Variants in PRELID2 observed in about 807,000 individuals in gnomAD.
PRELID2 encodes the protein PRELI domain-containing protein 2.
PRELID2 carries 25 observed loss-of-function variants against 28.4 expected under a neutral mutation model. The observed-to-expected ratio is 0.88, with a 90% CI of 0.64 to 1.23. PRELID2 has a LOEUF of 1.23. PRELID2 is among the 50% of genes most tolerant of loss of function. The pLI, the probability that PRELID2 is intolerant of heterozygous loss-of-function variation, is 0.00. For missense variants in PRELID2, 201 were observed against 214.4 expected (o/e 0.94, Z 0.39); for synonymous variants, 76 against 71.6 (o/e 1.06, Z -0.31).
the PRELID2 span, among the ~76,000 whole-genome samples, chr5:145,231,004 C>A: frequency 6.6e-6 from 1 of 152,196 alleles, no homozygotes; most frequent in African/African-American, 2.4e-5. Flanking sequence ...ACATTACACA[C>A]TTTCACCTCA....
the PRELID2 span, among the ~76,000 whole-genome samples, chr5:145,419,415 T>C: frequency 0.19 from 23,231 of 120,750 alleles, 2,221 homozygotes; most frequent in South Asian, 0.27. Flanking sequence ...TTTTAATGAT[T>C]GCCATTCTAA....
the PRELID2 span, among the ~76,000 whole-genome samples, chr5:145,249,520 T>A: frequency 2.6e-5 from 4 of 152,168 alleles, no homozygotes; most frequent in Non-Finnish European, 4.4e-5. Context: ...TGTTTTTTTC[T>A]TTCTAGAGTT....
intron 1 of PRELID2, among the ~76,000 whole-genome samples, chr5:145,607,807 C>T (rs1753526070): frequency 6.6e-6 from 1 of 152,126 alleles, no homozygotes; most frequent in African/African-American, 2.4e-5. Context: ...TGTTAGTTTT[C>T]TGCTACGATG....
the PRELID2 span, among the ~76,000 whole-genome samples, chr5:145,335,494 T>C: frequency 5.3e-4 from 80 of 152,264 alleles, no homozygotes; most frequent in Admixed American, 5.2e-3. Flanking sequence ...TACTAAAAAA[T>C]TATTGTGTTT....
At chr5:145,604,137 T>C (rs1340283950) in intron 1 of PRELID2, among the ~76,000 whole-genome samples, 1 of 152,086 alleles carries the variant, frequency 6.6e-6, no homozygotes, top group African/African-American at 2.4e-5. Context: ...ATATGCAGGT[T>C]TGTAATATAG....
intron 1 of PRELID2, among the ~76,000 whole-genome samples, chr5:145,549,238 G>C (rs536561677): frequency 6.6e-6 from 1 of 152,168 alleles, no homozygotes; most frequent in African/African-American, 2.4e-5. Flanking sequence ...TGACAGGAGA[G>C]ATCAAGTCTA....
At chr5:145,545,833 T>C (rs1187973910) in intron 1 of PRELID2, among the ~76,000 whole-genome samples, 2 of 152,190 alleles carry the variant, frequency 1.3e-5, no homozygotes, top group Non-Finnish European at 1.5e-5. Context: ...TTCAATATCA[T>C]GGTAAATAAC....
At chr5:145,621,055 C>T (rs1753767600) in intron 1 of PRELID2, among the ~76,000 whole-genome samples, 1 of 151,882 alleles carries the variant, frequency 6.6e-6, no homozygotes, top group Non-Finnish European at 1.5e-5. Flanking sequence ...GAAATTGTAT[C>T]CAGAATATGT....
chr5:145,468,606 C>T (rs1412403272), downstream of PRELID2, among the ~76,000 whole-genome samples: 2 of 152,122 alleles, frequency 1.3e-5, no homozygotes, highest in Admixed American at 1.3e-4. Context: ...TAATGATCGC[C>T]ATTCTAACTG....
At chr5:145,478,202 T>C (rs1159587121) in intron 1 of PRELID2, among the ~76,000 whole-genome samples, 1 of 152,170 alleles carries the variant, frequency 6.6e-6, no homozygotes, top group African/African-American at 2.4e-5. Flanking sequence ...CTAGTTCAAA[T>C]AGAGCTGTGC....
chr5:145,457,062 G>A, the PRELID2 span, among the ~76,000 whole-genome samples: 1 of 152,286 alleles, frequency 6.6e-6, no homozygotes, highest in Non-Finnish European at 1.5e-5. Flanking sequence ...TTTTTAAGGG[G>A]ATAGAGTGTG....
chr5:145,688,791 A>G (rs1755088121), intron 1 of PRELID2, among the ~76,000 whole-genome samples: 2 of 152,214 alleles, frequency 1.3e-5, no homozygotes, highest in Admixed American at 1.3e-4. Context: ...GCAGGAGGCA[A>G]AGGTATGGAC....
At chr5:145,403,521 A>C in the PRELID2 span, among the ~76,000 whole-genome samples, 4 of 152,310 alleles carry the variant, frequency 2.6e-5, no homozygotes, top group African/African-American at 9.6e-5. Flanking sequence ...TATCCCTTCT[A>C]AGCCTGTTCC....
Position 145,817,215 on chromosome 5 carries a change from A to AT in PRELID2, c.368+678_368+679insA, listed in dbSNP as rs1482099604. Among the ~76,000 whole-genome samples the AT allele has an allele frequency of 4.6e-4, 45 of 97,314 alleles. 7 individuals are homozygous for AT. Among genetic ancestry groups the AT allele is most frequent in the East Asian group, 3.6e-3 (15 of 4,110 alleles). 63.8% of individuals were successfully genotyped at this position (97,314 alleles called of 152,430 possible). A position where few individuals can be genotyped will look rare whatever the true frequency, so the allele number is the denominator to read the frequency against. On this transcript the variant is annotated intron_variant, in intron 4 of 6. Coordinates refer to ENST00000683046, the MANE Select transcript of PRELID2 (RefSeq NM_205846.3). ...CAAAAAAAAATAAATAAATAAATAA[A>AT]AAAAAATATATATATATATATACTT...
At chr5:145,428,447 C>T in the PRELID2 span, among the ~76,000 whole-genome samples, 1 of 152,092 alleles carries the variant, frequency 6.6e-6, no homozygotes, top group Non-Finnish European at 1.5e-5. Context: ...CTGTTCCTGC[C>T]TGCCTGAAAT....
At chr5:145,741,985 A>AT (rs1561568894) in intron 1 of PRELID2, among the ~76,000 whole-genome samples, 2 of 35,694 alleles carry the variant, frequency 5.6e-5, no homozygotes, top group East Asian at 2.1e-3. Context: ...TTTAATTATA[A>AT]TAAATTTATT....
the PRELID2 span, among the ~76,000 whole-genome samples, chr5:145,294,761 C>G: frequency 5.3e-5 from 8 of 152,144 alleles, no homozygotes; most frequent in Non-Finnish European, 8.8e-5. Context: ...TGAATCCCTA[C>G]AGTGATGTTC....
downstream of PRELID2, among the ~76,000 whole-genome samples, chr5:145,754,971 A>G (rs544369218): frequency 3.2e-4 from 48 of 152,326 alleles, no homozygotes; most frequent in Middle Eastern, 3.4e-3. Flanking sequence ...TCTACACTCA[A>G]TAAGTGTAAA....
chr5:145,352,776 G>C, the PRELID2 span, among the ~76,000 whole-genome samples: 1 of 152,134 alleles, frequency 6.6e-6, no homozygotes, highest in Non-Finnish European at 1.5e-5. Flanking sequence ...TCTTCTGCCA[G>C]ATACCCTAAA....
Sources: gnomAD v4.1 joint callset for allele counts (sites outside exome capture counted in the v4.1 genomes callset) on GRCh38, gnomAD v4.1.1 for gene constraint, MANE v1.5 for transcripts, NCBI Gene and HGNC (gene_info 2026-07-23, HGNC 2026-07-21) for gene names.